PPP3CA: variants seen among roughly 807,000 people sequenced by gnomAD.
The protein encoded by PPP3CA is CAM-PRP catalytic subunit.
Under a neutral mutation model 66.5 loss-of-function variants are expected in PPP3CA, and 14 were observed. The ratio of observed to expected loss-of-function variants is 0.21; its 90% CI spans 0.14 to 0.33. PPP3CA has a LOEUF of 0.33. Among genes scored for constraint, PPP3CA ranks in the 10% least tolerant of loss-of-function variants. PPP3CA has a pLI of 1.00. For synonymous variants in PPP3CA, 232 were observed against 226.2 expected (o/e 1.03, Z -0.23); for missense variants, 317 against 639.5 (o/e 0.50, Z 5.44).
chr4:101,225,783 C>G (rs1437303261), intron 1 of PPP3CA, among the ~76,000 whole-genome samples: 1 of 151,692 alleles, frequency 6.6e-6, no homozygotes, highest in Non-Finnish European at 1.5e-5. Flanking sequence ...TTTTTCTTCT[C>G]TAAAACATCT....
At chr4:101,276,292 T>G (rs1457634757) in intron 1 of PPP3CA, among the ~76,000 whole-genome samples, 1 of 152,180 alleles carries the variant, frequency 6.6e-6, no homozygotes, top group Non-Finnish European at 1.5e-5. Flanking sequence ...CTGAAACTTG[T>G]AAGCTGAAGC....
At position 101,317,409 on chromosome 4, in the gene PPP3CA, C is replaced by T. The variant is rs182904910; in HGVS notation, c.58+29330G>A. ...CATTTTACATACTTGTAAAAATAAACGAAGTTCCTTATCTCCCCATAATCT... is the reference window on the plus strand; with the variant it reads ...CATTTTACATACTTGTAAAAATAAATGAAGTTCCTTATCTCCCCATAATCT... On this transcript the variant is annotated intron_variant, in intron 1 of 13. Transcript: ENST00000394854. Among the ~76,000 whole-genome samples the T allele has an allele frequency of 3.0e-3, 449 of 152,144 alleles. 4 individuals are homozygous for T. Among genetic ancestry groups the T allele is most frequent in the African/African-American group, 0.01 (426 of 41,498 alleles).
chr4:101,056,943 C>T (rs1728249463), intron 10 of PPP3CA, among the ~76,000 whole-genome samples: 1 of 151,970 alleles, frequency 6.6e-6, no homozygotes, highest in Non-Finnish European at 1.5e-5. Context: ...CTTTGAGCAT[C>T]TTTAAGCACC....
chr4:101,080,739 T>G, intron 7 of PPP3CA, 113 bp from the exon 8 acceptor site: 5 of 486,638 alleles, frequency 1.0e-5, no homozygotes, highest in Non-Finnish European at 1.7e-5. Flanking sequence ...TCAAAGGGCC[T>G]CCAATCATAT....
chr4:101,295,896 T>C (rs1365845250), intron 1 of PPP3CA, among the ~76,000 whole-genome samples: 2 of 152,248 alleles, frequency 1.3e-5, no homozygotes, highest in African/African-American at 4.8e-5. Flanking sequence ...AGATATTTTA[T>C]TCCAATGGAT....
At chr4:101,165,891 G>A (rs927976113) in intron 2 of PPP3CA, among the ~76,000 whole-genome samples, 2 of 152,054 alleles carry the variant, frequency 1.3e-5, no homozygotes, top group African/African-American at 4.8e-5. Flanking sequence ...AGTCTTACCT[G>A]GTTAGTTAAA....
At chr4:101,075,330 T>C (rs774713826) in intron 8 of PPP3CA, among the ~76,000 whole-genome samples, 1 of 152,224 alleles carries the variant, frequency 6.6e-6, no homozygotes, top group African/African-American at 2.4e-5. Context: ...ATTACTAAAT[T>C]AGTTTCGTTG....
chr4:101,107,590 G>A lies in PPP3CA; in HGVS notation c.384+1364C>T, dbSNP rs186343213. 1.4e-3 allele frequency among the ~76,000 whole-genome samples: 210 copies of A among 152,192 alleles called. 1 individual carries two copies. Among genetic ancestry groups the A allele is most frequent in the African/African-American group, 4.7e-3 (194 of 41,540 alleles). ...AAATCTGTGATCTTTAAATGCAGACGGTATTATTATGTTGGCGGAAATACA... is the reference window on the plus strand; with the variant it reads ...AAATCTGTGATCTTTAAATGCAGACAGTATTATTATGTTGGCGGAAATACA... On this transcript the variant is annotated intron_variant, in intron 3 of 13. Transcript: ENST00000394854.
At chr4:101,291,995 T>G (rs1001497877) in intron 1 of PPP3CA, among the ~76,000 whole-genome samples, 9 of 151,862 alleles carry the variant, frequency 5.9e-5, no homozygotes, top group African/African-American at 2.2e-4. Flanking sequence ...GGCATGGTGG[T>G]GTACTCCTGT....
chr4:101,264,845 G>C (rs964409284), intron 1 of PPP3CA, among the ~76,000 whole-genome samples: 11 of 152,184 alleles, frequency 7.2e-5, no homozygotes, highest in African/African-American at 2.7e-4. Flanking sequence ...GCAAGGTAGA[G>C]TTCTGGTGAT....
At chr4:101,203,118 AAT>A (rs1168048652) in intron 1 of PPP3CA, among the ~76,000 whole-genome samples, 1 of 152,194 alleles carries the variant, frequency 6.6e-6, no homozygotes, top group Non-Finnish European at 1.5e-5. Flanking sequence ...AGGCTTACAG[AAT>A]ATATATTATA....
At chr4:101,055,459 T>C (rs1055138724) in intron 10 of PPP3CA, among the ~76,000 whole-genome samples, 4 of 152,142 alleles carry the variant, frequency 2.6e-5, no homozygotes, top group African/African-American at 7.2e-5. Context: ...CCCTATTACA[T>C]ATAAATTAGA....
chr4:101,339,884 A>G (rs1451360301), intron 1 of PPP3CA, among the ~76,000 whole-genome samples: 1 of 152,246 alleles, frequency 6.6e-6, no homozygotes, highest in Non-Finnish European at 1.5e-5. Context: ...ACATTCTGAT[A>G]TTACATAGAA....
rs1014461505 is a variant in PPP3CA, at chr4:101,091,840, T to C, written c.782+1936A>G. On this transcript the variant is annotated intron_variant, in intron 6 of 13. Transcript: ENST00000394854. ...CAGTATCTAATAATAATAATAATAA[T>C]AATAATAATAATAATAATAATAATG... 4.1e-5 allele frequency among the ~76,000 whole-genome samples: 6 copies of C among 144,938 alleles called. No homozygotes were observed. In the Admixed American group the frequency reaches 4.1e-4, roughly 10 times the overall value.
chr4:101,313,393 G>A (rs927519132), intron 1 of PPP3CA, among the ~76,000 whole-genome samples: 3 of 152,116 alleles, frequency 2.0e-5, no homozygotes, highest in African/African-American at 7.2e-5. Context: ...AACAAGTAGA[G>A]AGTCATCTTC....
At chr4:101,212,679 A>G (rs1258324238) in intron 1 of PPP3CA, among the ~76,000 whole-genome samples, 2 of 152,120 alleles carry the variant, frequency 1.3e-5, no homozygotes, top group Non-Finnish European at 2.9e-5. Flanking sequence ...CTAAACAAGA[A>G]TTTTATTCAT....
chr4:101,242,979 T>C (rs996056145), intron 1 of PPP3CA, among the ~76,000 whole-genome samples: 10 of 152,142 alleles, frequency 6.6e-5, no homozygotes, highest in African/African-American at 2.2e-4. Context: ...ACCACTAATA[T>C]GGCAGTAGCT....
chr4:101,030,765 G>A (rs931627705), intron 12 of PPP3CA, among the ~76,000 whole-genome samples: 4 of 152,090 alleles, frequency 2.6e-5, no homozygotes, highest in Non-Finnish European at 5.9e-5. Context: ...GTTCTAAAGC[G>A]AATGTTAAAT....
At chr4:101,092,900 A>G (rs1322579460) in intron 6 of PPP3CA, among the ~76,000 whole-genome samples, 1 of 152,216 alleles carries the variant, frequency 6.6e-6, no homozygotes, top group East Asian at 1.9e-4. Flanking sequence ...TATTGTAAAT[A>G]GTGCTGCAAT....
Sources: gnomAD v4.1 joint callset for allele counts (sites outside exome capture counted in the v4.1 genomes callset) on GRCh38, gnomAD v4.1.1 for gene constraint, MANE v1.5 for transcripts, NCBI Gene and HGNC (gene_info 2026-07-23, HGNC 2026-07-21) for gene names.